PDE5A: variants seen among roughly 807,000 people sequenced by gnomAD.
PDE5A encodes the protein phosphodiesterase 5A, also known as cGMP-specific 3',5'-cyclic phosphodiesterase.
In PDE5A, 67 loss-of-function variants were observed where a neutral mutation model predicts 110.2. That is an observed-to-expected ratio of 0.61 (90% confidence interval 0.50 to 0.75). The LOEUF (loss-of-function observed/expected upper bound fraction) is 0.75. Among genes scored for constraint, PDE5A ranks in the 30% least tolerant of loss-of-function variants. The pLI is 0.00. For missense variants in PDE5A, 862 were observed against 1,045.1 expected (o/e 0.82, Z 2.42); for synonymous variants, 328 against 351.2 (o/e 0.93, Z 0.74).
At chr4:119,550,816 C>T (rs3775854) in intron 9 of PDE5A, among the ~76,000 whole-genome samples, 41,205 of 152,078 alleles carry the variant, frequency 0.27, 5,641 homozygotes, top group East Asian at 0.38. Context: ...AACAGCATAA[C>T]ATTTATAATA....
rs574086815 is a variant in PDE5A, at chr4:119,516,641, T to C, written c.2000+2404A>G. On this transcript the variant is annotated intron_variant, in intron 14 of 20. Coordinates refer to ENST00000354960, the MANE Select transcript of PDE5A (RefSeq NM_001083.4). ...TGAGATCATTCTTTTTTTTTTGAGA[T>C]AGAGTCTCGCTCTGCTGCCCAGGCT... Among the ~76,000 whole-genome samples the C allele has an allele frequency of 7.2e-5, 11 of 152,088 alleles. No homozygotes were observed. In the South Asian group the frequency reaches 1.9e-3, roughly 26 times the overall value.
intron 3 of PDE5A, among the ~76,000 whole-genome samples, chr4:119,575,811 G>A (rs1366489644): frequency 6.6e-6 from 1 of 152,178 alleles, no homozygotes; most frequent in Non-Finnish European, 1.5e-5. Context: ...ACATTATAAT[G>A]ACAGTATCAA....
In PDE5A at chr4:119,562,938, T is replaced by C. The variant is rs1727795382; in HGVS notation, c.1026A>G (p.Glu342=). 1.9e-6 allele frequency: 3 copies of C among 1,599,618 alleles called. No homozygotes were observed. The highest frequency in any genetic ancestry group is 2.6e-6 in the Non-Finnish European group (3 of 1,175,226). Residue 342 remains glutamate (E), a synonymous_variant, in exon 6 of 21, where the codon GAA becomes GAG. Transcript: ENST00000354960. ...VLLDLASLIF[E]EQQSLEVILK... Reference sequence around the variant, plus strand: ...AAATTACTTCTAATGATTGTTGTTCTTCAAAAATTAAACTAGCAAGGTCAA... The same window carrying C: ...AAATTACTTCTAATGATTGTTGTTCCTCAAAAATTAAACTAGCAAGGTCAA...
intron 3 of PDE5A, among the ~76,000 whole-genome samples, chr4:119,578,693 T>C (rs1728472842): frequency 6.6e-6 from 1 of 152,192 alleles, no homozygotes; most frequent in South Asian, 2.1e-4. Flanking sequence ...TAATTCAAGA[T>C]AGATTAAAGA....
At position 119,495,748 on chromosome 4, in the gene PDE5A, A is replaced by G. The variant is rs201442281; in HGVS notation, c.*2853T>C. The G allele has an allele frequency of 8.5e-5, 13 of 152,374 alleles. No individual in the cohort carries two copies. In the South Asian group the frequency reaches 2.5e-3, roughly 29 times the overall value. The allele number at this position is 152,374 out of a possible 1,614,324, so 9.4% of individuals were successfully genotyped here. A position where few individuals can be genotyped will look rare whatever the true frequency, so the allele number is the denominator to read the frequency against. ...TCATCCTGGGTTTGTACCTTGAAGC[A>G]ATATACTCAATGAGCTCTAAATCTC... On this transcript the variant is annotated 3_prime_UTR_variant, in exon 21 of 21. Coordinates refer to ENST00000354960, the MANE Select transcript of PDE5A (RefSeq NM_001083.4).
intron 5 of PDE5A, among the ~76,000 whole-genome samples, chr4:119,563,518 T>C (rs922929371): frequency 1.3e-5 from 2 of 152,076 alleles, no homozygotes; most frequent in African/African-American, 2.4e-5. Flanking sequence ...ACCAAAAACT[T>C]AGTGGAGGTG....
chr4:119,588,542 A>G (rs1284244412), intron 3 of PDE5A, among the ~76,000 whole-genome samples: 2 of 152,028 alleles, frequency 1.3e-5, no homozygotes, highest in African/African-American at 4.8e-5. Context: ...AAAAAAAAAA[A>G]AAGAATCTAC....
intron 1 of PDE5A, among the ~76,000 whole-genome samples, chr4:119,621,304 A>C (rs964966663): frequency 6.6e-6 from 1 of 152,170 alleles, no homozygotes; most frequent in Non-Finnish European, 1.5e-5. Context: ...GCCCCAACAA[A>C]ACAGTCAAAC....
At chr4:119,611,061 G>A (rs1173482053) in intron 1 of PDE5A, among the ~76,000 whole-genome samples, 1 of 152,134 alleles carries the variant, frequency 6.6e-6, no homozygotes, top group Non-Finnish European at 1.5e-5. Flanking sequence ...CGCTCCTGAA[G>A]CACACCAAGC....
At chr4:119,563,248 A>G (rs1727807763) in intron 5 of PDE5A, among the ~76,000 whole-genome samples, 1 of 152,162 alleles carries the variant, frequency 6.6e-6, no homozygotes, top group African/African-American at 2.4e-5. Flanking sequence ...AATTTCTTCA[A>G]CATGGGGATA....
intron 14 of PDE5A, among the ~76,000 whole-genome samples, chr4:119,511,611 G>C (rs1018289220): frequency 1.3e-5 from 2 of 152,084 alleles, no homozygotes; most frequent in African/African-American, 4.8e-5. Flanking sequence ...GACTGAGATG[G>C]AATTAACTGA....
chr4:119,579,090 G>A lies in PDE5A; in HGVS notation c.832-11946C>T, dbSNP rs1188599944. Among the ~76,000 whole-genome samples the A allele has an allele frequency of 6.8e-4, 103 of 152,100 alleles. 1 individual carries two copies. The highest frequency in any genetic ancestry group is 2.9e-5 in the Non-Finnish European group (2 of 68,002). On this transcript the variant is annotated intron_variant, in intron 3 of 20. Transcript: ENST00000354960. ...GCAGCCAAAAGACACATGAAAAAAT[G>A]CTCATCATCACTGGCCATCAGAGAA...
intron 1 of PDE5A, among the ~76,000 whole-genome samples, chr4:119,617,634 T>C (rs1729986976): frequency 6.6e-6 from 1 of 152,162 alleles, no homozygotes; most frequent in Non-Finnish European, 1.5e-5. Flanking sequence ...AAGTAAACTT[T>C]TGATATAAAC....
At chr4:119,548,745 T>C (rs1424399426) in intron 9 of PDE5A, 1 of 152,210 alleles carries the variant, frequency 6.6e-6, no homozygotes, top group African/African-American at 2.4e-5. Context: ...TCCATAATTC[T>C]AAACTATAAT....
chr4:119,542,566 C>G lies in PDE5A; in HGVS notation c.1465G>C (p.Glu489Gln). Residue 489 changes from glutamate to glutamine, a missense_variant, in exon 10 of 21, where the codon GAA (glutamate) becomes CAA (glutamine). Glu to Gln is a conservative substitution (Grantham distance 29). Transcript: ENST00000354960. ...ATGACAAAAGCTTCCAGAAACTGTT[C>G]GTCATTTCGGTTGAAAGGCTTAACC... ...GKVKPFNRND[E>Q]QFLEAFVIFC... 1 of 1,613,950 alleles carries G rather than the reference C, an allele frequency of 6.2e-7. No individual in the cohort carries two copies. Among genetic ancestry groups the G allele is most frequent in the Non-Finnish European group, 8.5e-7 (1 of 1,179,912 alleles).
intron 1 of PDE5A, among the ~76,000 whole-genome samples, chr4:119,622,644 T>C (rs955516389): frequency 4.0e-5 from 6 of 151,824 alleles, no homozygotes; most frequent in Admixed American, 1.3e-4. Context: ...GAGGCCGAGG[T>C]GGGTGGACCA....
At chr4:119,579,429 G>A (rs1047533610) in intron 3 of PDE5A, among the ~76,000 whole-genome samples, 1 of 152,142 alleles carries the variant, frequency 6.6e-6, no homozygotes, top group African/African-American at 2.4e-5. Context: ...GCAAAGACTT[G>A]GAACCAACCC....
At chr4:119,556,510 T>C (rs562068308) in intron 7 of PDE5A, among the ~76,000 whole-genome samples, 1 of 152,354 alleles carries the variant, frequency 6.6e-6, no homozygotes, top group African/African-American at 2.4e-5. Flanking sequence ...TGGCTACCTC[T>C]GGGCTTTTAC....
chr4:119,516,379 T>C (rs1329611824), intron 14 of PDE5A, among the ~76,000 whole-genome samples: 1 of 152,234 alleles, frequency 6.6e-6, no homozygotes, highest in Admixed American at 6.5e-5. Context: ...TAATTATTCA[T>C]TATCTATCTG....
Sources: allele counts gnomAD v4.1 joint callset (sites outside exome capture counted in the v4.1 genomes callset), GRCh38; gene constraint gnomAD v4.1.1; transcripts MANE v1.5; gene names NCBI Gene and HGNC (gene_info 2026-07-23, HGNC 2026-07-21).